Variants in AGRN observed in about 807,000 individuals in gnomAD.
AGRN encodes agrin.
Under a neutral mutation model 211.0 loss-of-function variants are expected in AGRN, and 106 were observed. The ratio of observed to expected loss-of-function variants is 0.50; its 90% CI spans 0.43 to 0.59. The LOEUF is 0.59. Ranked by LOEUF, AGRN falls within the 20% of genes least tolerant of loss-of-function variation. AGRN has a pLI of 0.00. For missense variants in AGRN, 3,040 were observed against 2,982.6 expected (o/e 1.02, Z -0.45); for synonymous variants, 1,525 against 1,332.5 (o/e 1.14, Z -3.15).
chr1:1,046,375 G>T, intron 17 of AGRN, 22 bp from the exon 18 acceptor site: 1 of 1,599,856 alleles, frequency 6.3e-7, no homozygotes, highest in South Asian at 1.1e-5. Flanking sequence ...CGGTCCCCCC[G>T]CCAACCTCCC....
At position 1,046,422 on chromosome 1, in the gene AGRN, G is replaced by C; in HGVS notation, c.2937G>C (p.Pro979=). ...AGGCTGTTGCTCCCAGCACTCACCCGACATCTGCCTCCGTGACTGTGACCA... is the reference window on the plus strand; with the variant it reads ...AGGCTGTTGCTCCCAGCACTCACCCCACATCTGCCTCCGTGACTGTGACCA... ...CQEAVAPSTH[P]TSASVTVTTP... is the part of the protein sequence containing the mutation. The change falls in exon 18 of 36, where the codon CCG becomes CCC. Residue 979 remains proline (P), a synonymous_variant. Transcript: ENST00000379370. The C allele has an allele frequency of 6.2e-7, 1 of 1,611,914 alleles. No individual in the cohort carries two copies. Among genetic ancestry groups the C allele is most frequent in the Non-Finnish European group, 8.5e-7 (1 of 1,179,772 alleles).
intron 1 of AGRN, among the ~76,000 whole-genome samples, chr1:1,021,026 C>T (rs1233510638): frequency 6.6e-6 from 1 of 152,134 alleles, no homozygotes; most frequent in Non-Finnish European, 1.5e-5. Context: ...GGTAGGTACG[C>T]TGGGACCCCC....
At chr1:1,028,911 G>A (rs111618260) in intron 2 of AGRN, among the ~76,000 whole-genome samples, 21 of 42,710 alleles carry the variant, frequency 4.9e-4, no homozygotes, top group African/African-American at 1.2e-3. Context: ...GGCCAAGGGC[G>A]CCCACACCCA....
intron 7 of AGRN, among the ~76,000 whole-genome samples, chr1:1,042,981 G>A (rs1415034948): frequency 6.6e-6 from 1 of 152,040 alleles, no homozygotes; most frequent in Non-Finnish European, 1.5e-5. Flanking sequence ...ATAGCCTGCT[G>A]TGGACAATCA....
In AGRN at chr1:1,041,929, C is replaced by T. The variant is rs201781945; in HGVS notation, c.1178-27C>T. Reference sequence around the variant, plus strand: ...GGGATGGAGGGTGCTCCAGCCTCTCCGTGACTCCCTCACCCCTGCGTCCTA... The same window carrying T: ...GGGATGGAGGGTGCTCCAGCCTCTCTGTGACTCCCTCACCCCTGCGTCCTA... On this transcript the variant is annotated intron_variant, in intron 6 of 35. Transcript: ENST00000379370. 2.3e-4 allele frequency: 366 copies of T among 1,609,344 alleles called. No homozygotes were observed. The African/African-American group carries it at 2.8e-3, about 13-fold the overall frequency.
At chr1:1,020,668 G>A (rs1329375293) in intron 1 of AGRN, among the ~76,000 whole-genome samples, 1 of 146,168 alleles carries the variant, frequency 6.8e-6, no homozygotes. Flanking sequence ...CCGAGAAGGA[G>A]AGGGGCCTGG....
In AGRN at chr1:1,046,878, T is replaced by G; in HGVS notation, c.3309T>G (p.Ala1103=). ...VATPGPPVER[A]SCYNSALGCC... ...CCCCTGGGCCACCTGTCGAGAGGGC[T>G]TCCTGCTACAACTCCGCGTTGGGCT... Residue 1103 remains alanine (A), a synonymous_variant, in exon 19 of 36, where the codon GCT becomes GCG. Transcript: ENST00000379370. 6.3e-7 allele frequency: 1 copy of G among 1,587,324 alleles called. No individual in the cohort carries two copies. Among genetic ancestry groups the G allele is most frequent in the Non-Finnish European group, 8.6e-7 (1 of 1,168,482 alleles).
chr1:1,020,427 A>AC (rs1557680119), intron 1 of AGRN, 54 bp downstream of exon 1: 16 of 1,463,128 alleles, frequency 1.1e-5, no homozygotes, highest in Non-Finnish European at 1.5e-5. Flanking sequence ...CCCCGCCGGG[A>AC]CCCCCGCCCC....
At chr1:1,042,207 C>G in intron 7 of AGRN, 45 bp downstream of exon 7, 2 of 1,557,290 alleles carry the variant, frequency 1.3e-6, no homozygotes, top group African/African-American at 2.7e-5. Flanking sequence ...GCTGCTCCTG[C>G]GTCAGTCCCT....
At chr1:1,029,321 A>C (rs1644593976) in intron 2 of AGRN, among the ~76,000 whole-genome samples, 1 of 146,902 alleles carries the variant, frequency 6.8e-6, no homozygotes, top group Admixed American at 7.1e-5. Context: ...GTGGGGGTTG[A>C]GGGACAAAAT....
chr1:1,045,307 G>A (rs376268028), intron 13 of AGRN, 30 bp downstream of exon 13: 6 of 1,612,146 alleles, frequency 3.7e-6, no homozygotes, highest in Non-Finnish European at 5.1e-6. Context: ...CCCGACCCCG[G>A]GCCTGGTGCG....
rs901063398 is a variant in AGRN, at chr1:1,020,226, G to C, written c.54G>C (p.Val18=). Residue 18 remains valine, a synonymous_variant, in exon 1 of 36, where the codon GTG becomes GTC. Coordinates refer to ENST00000379370, the MANE Select transcript of AGRN (RefSeq NM_198576.4). ...GPLRPLLPLL[V]VAACVLPGAG... ...TGCGGCCGCTGCTGCCGCTCCTTGTGGTGGCCGCGTGCGTCCTGCCCGGAG... is the reference window on the plus strand; with the variant it reads ...TGCGGCCGCTGCTGCCGCTCCTTGTCGTGGCCGCGTGCGTCCTGCCCGGAG... The C allele has an allele frequency of 2.1e-6, 3 of 1,420,148 alleles. No individual in the cohort carries two copies. The African/African-American group carries it at 4.5e-5, about 21-fold the overall frequency. The allele number at this position is 1,420,148 out of a possible 1,614,324, so 88.0% of individuals were successfully genotyped here. A position where few individuals can be genotyped will look rare whatever the true frequency, so the allele number is the denominator to read the frequency against.
intron 2 of AGRN, among the ~76,000 whole-genome samples, chr1:1,023,552 G>C (rs1283738279): frequency 6.6e-6 from 1 of 152,120 alleles, no homozygotes; most frequent in Non-Finnish European, 1.5e-5. Context: ...TGGGGGCATC[G>C]TGGACTCAGG....
At position 1,028,320 on chromosome 1, in the gene AGRN, G is replaced by GCACCCCCCCCC. The variant is rs779617012; in HGVS notation, c.463+5859_463+5860insACCCCCCCCCC. ...GCCGTTCTCTCTCCCGTGGGGAAAC[G>GCACCCCCCCCC]CCCCCCCCCCCCCCCCGCCCTGCAC... On this transcript the variant is annotated intron_variant, in intron 2 of 35. Transcript: ENST00000379370. Among the ~76,000 whole-genome samples the GCACCCCCCCCC allele has an allele frequency of 1.0e-4, 11 of 105,104 alleles. 1 individual carries two copies. The highest frequency in any genetic ancestry group is 2.0e-4 in the Admixed American group (2 of 9,928). 69.0% of individuals were successfully genotyped at this position (105,104 alleles called of 152,430 possible). A position where few individuals can be genotyped will look rare whatever the true frequency, so the allele number is the denominator to read the frequency against.
At chr1:1,040,351 C>A (rs1290764277) in intron 3 of AGRN, among the ~76,000 whole-genome samples, 2 of 152,200 alleles carry the variant, frequency 1.3e-5, no homozygotes, top group Non-Finnish European at 2.9e-5. Flanking sequence ...GAAGTGGGTG[C>A]TCGCCCGTCG....
At chr1:1,035,345 G>A in intron 3 of AGRN, 21 bp downstream of exon 3, 1 of 1,612,974 alleles carries the variant, frequency 6.2e-7, no homozygotes, top group Non-Finnish European at 8.5e-7. Context: ...CTGAGTTCGG[G>A]GGACCTGGAT....
Position 1,041,356 on chromosome 1 carries a change from C to T in AGRN, c.911C>T (p.Ala304Val). ...TGCCAGCTCCTGCGCCGCGCCTGCG[C>T]CCGCCAGGAGAATGTCTTCAAGAAG... ...GECQLLRRAC[A>V]RQENVFKKFD... The change falls in exon 5 of 36, where the codon GCC (alanine) becomes GTC (valine). Residue 304 changes from alanine to valine, a missense_variant. This residue lies in a region of AGRN where 1,498 missense variants were observed against 1,457.8 expected (regional missense o/e 1.03). Transcript: ENST00000379370. 1.3e-6 allele frequency: 2 copies of T among 1,532,902 alleles called. No individual in the cohort carries two copies. Among genetic ancestry groups the T allele is most frequent in the Non-Finnish European group, 1.7e-6 (2 of 1,146,648 alleles). 95.0% of individuals were successfully genotyped at this position (1,532,902 alleles called of 1,614,324 possible). A position where few individuals can be genotyped will look rare whatever the true frequency, so the allele number is the denominator to read the frequency against.
chr1:1,021,767 A>G (rs1418303192), intron 1 of AGRN, among the ~76,000 whole-genome samples: 1 of 152,268 alleles, frequency 6.6e-6, no homozygotes, highest in Non-Finnish European at 1.5e-5. Flanking sequence ...GCCCAGCCAC[A>G]GGGCCAAGCT....
rs773164492 is a variant in AGRN, at chr1:1,049,732, G to A, written c.4681G>A (p.Gly1561Arg). Residue 1561 changes from glycine to arginine, a missense_variant, in exon 26 of 36, where the codon GGG (glycine) becomes AGG (arginine). Gly to Arg is a moderately radical substitution (Grantham distance 125). Around this residue, in one of 3 missense-constraint regions of AGRN, gnomAD observed 1,537 missense variants for 1,505.0 expected, o/e 1.02. Coordinates refer to ENST00000379370, the MANE Select transcript of AGRN (RefSeq NM_198576.4). ...HPCLPNPCHG[G>R]APCQNLEAGR... Reference sequence around the variant, plus strand: ...CTGCCTGCCCAACCCCTGCCATGGCGGGGCCCCATGCCAGAACCTGGAGGC... The same window carrying A: ...CTGCCTGCCCAACCCCTGCCATGGCAGGGCCCCATGCCAGAACCTGGAGGC... 44 of 1,580,582 alleles carry A rather than the reference G, an allele frequency of 2.8e-5. No individual in the cohort carries two copies. The South Asian group carries it at 4.1e-4, about 15-fold the overall frequency.
Sources: gnomAD v4.1 joint callset for allele counts (sites outside exome capture counted in the v4.1 genomes callset) on GRCh38, gnomAD v4.1.1 for gene constraint, gnomAD v4.1.1 regional missense constraint, MANE v1.5 for transcripts, NCBI Gene and HGNC (gene_info 2026-07-23, HGNC 2026-07-21) for gene names.